CEP19: variants seen among roughly 807,000 people sequenced by gnomAD.
CEP19 encodes centrosomal protein 19.
In CEP19, 14 loss-of-function variants were observed where a neutral mutation model predicts 17.5. That is an observed-to-expected ratio of 0.80 (90% CI 0.53 to 1.25). The LOEUF is 1.25. Ranked by LOEUF, CEP19 falls within the 50% of genes most tolerant of loss-of-function variation. The pLI, the probability that CEP19 is intolerant of heterozygous loss-of-function variation, is 0.00. For synonymous variants in CEP19, 59 were observed against 65.5 expected (o/e 0.90, Z 0.48); for missense variants, 193 against 192.0 (o/e 1.01, Z -0.03).
intron 1 of CEP19, among the ~76,000 whole-genome samples, chr3:196,711,541 G>C (rs554691250): frequency 1.3e-5 from 2 of 152,180 alleles, no homozygotes; most frequent in Non-Finnish European, 2.9e-5. Context: ...GGCCAGGCTG[G>C]TCTCGAACTC....
chr3:196,710,156 A>G (rs1394506910), intron 1 of CEP19, among the ~76,000 whole-genome samples: 2 of 152,236 alleles, frequency 1.3e-5, no homozygotes, highest in African/African-American at 4.8e-5. Flanking sequence ...ACAATGTAAC[A>G]TTTTATATGA....
At position 196,707,393 on chromosome 3, in the gene CEP19, T is replaced by G; in HGVS notation, c.*158A>C. The G allele has an allele frequency of 1.3e-6, 1 of 754,342 alleles. No homozygotes were observed. The highest frequency in any genetic ancestry group is 2.1e-6 in the Non-Finnish European group (1 of 467,892). The allele number at this position is 754,342 out of a possible 1,614,324, so 46.7% of individuals were successfully genotyped here. ...GTTTTTCCCATACTCCTCATGCACC[T>G]ACATAGTAGATGCTTTAAATGTCCT... On this transcript the variant is annotated 3_prime_UTR_variant, in exon 3 of 3. Transcript: ENST00000409690.
rs930713535 is a variant in CEP19, at chr3:196,706,339, C to T, written c.*1212G>A. The T allele has an allele frequency of 6.6e-6, 1 of 152,028 alleles. No homozygotes were observed. The highest frequency in any genetic ancestry group is 1.5e-5 in the Non-Finnish European group (1 of 67,992). The allele number at this position is 152,028 out of a possible 1,614,324, so 9.4% of individuals were successfully genotyped here. ...CTTGTAGAAAACATAGAATTTCTAC[C>T]AACTAAACAATATTGTAATAAGGAT... On this transcript the variant is annotated 3_prime_UTR_variant, in exon 3 of 3. Coordinates refer to ENST00000409690, the MANE Select transcript of CEP19 (RefSeq NM_032898.5).
At chr3:196,710,953 GCT>G (rs1491540905) in intron 1 of CEP19, among the ~76,000 whole-genome samples, 5 of 129,724 alleles carry the variant, frequency 3.9e-5, no homozygotes, top group African/African-American at 1.2e-4. Flanking sequence ...CTCTTTTCTT[GCT>G]TTTTTTTTTT....
At chr3:196,708,951 G>A (rs1711641711) in intron 1 of CEP19, 2 of 289,958 alleles carry the variant, frequency 6.9e-6, no homozygotes, top group South Asian at 7.1e-5. Context: ...GGGTATGTGC[G>A]CGGGAACGAC....
rs1463328516 is a variant in CEP19 at position 196,708,567 on chromosome 3, G to A, written c.91C>T (p.Gln31Ter). The A allele has an allele frequency of 1.2e-6, 2 of 1,613,968 alleles. No individual in the cohort carries two copies. The highest frequency in any genetic ancestry group is 1.3e-5 in the African/African-American group (1 of 74,906). Residue 31 changes from glutamine (Q) to a stop codon, truncating the protein, a stop_gained, in exon 2 of 3, where the codon CAG becomes TAG. Coordinates refer to ENST00000409690, the MANE Select transcript of CEP19 (RefSeq NM_032898.5). LOFTEE classifies it high-confidence loss of function. ...YESEIKGKIR[Q>*]RIMPVRNFSK... is the part of the protein sequence containing the mutation. ...AAGTTTCGAACTGGCATAATGCGCT[G>A]GCGAATTTTCCCCTTGATTTCACTC...
Position 196,707,921 on chromosome 3 carries a change from G to A in CEP19, c.131-9C>T. On this transcript the variant is annotated splice_polypyrimidine_tract_variant and intron_variant, in intron 2 of 2. Coordinates refer to ENST00000409690, the MANE Select transcript of CEP19 (RefSeq NM_032898.5). The stretch of plus-strand genomic sequence containing the variant: ...AGCAGCTCTGGTGCAATCTGGGAGA[G>A]AGAAGAAAACTATATACCACATACG... 1 of 1,605,372 alleles carries A rather than the reference G, an allele frequency of 6.2e-7. No homozygotes were observed.
In CEP19 at chr3:196,712,149, G is replaced by A. The variant is rs1711828702; in HGVS notation, c.-291C>T. On this transcript the variant is annotated 5_prime_UTR_variant, in exon 1 of 3. Coordinates refer to ENST00000409690, the MANE Select transcript of CEP19 (RefSeq NM_032898.5). Reference sequence around the variant, plus strand: ...CCGAACCCTCAAACACCGGGAAGCGGAGGTGGGGGCCGGCTGGGGGACCGG... The same window carrying A: ...CCGAACCCTCAAACACCGGGAAGCGAAGGTGGGGGCCGGCTGGGGGACCGG... The A allele has an allele frequency of 5.2e-6, 3 of 578,068 alleles. 1 individual carries two copies. The highest frequency in any genetic ancestry group is 4.2e-5 in the South Asian group (2 of 47,198). 35.8% of individuals were successfully genotyped at this position (578,068 alleles called of 1,614,324 possible).
chr3:196,708,556 C>G lies in CEP19; in HGVS notation c.102G>C (p.Met34Ile). ...EIKGKIRQRI[M>I]PVRNFSKFSD... is the part of the protein sequence containing the mutation. ...AAAACTTTGAAAAGTTTCGAACTGG[C>G]ATAATGCGCTGGCGAATTTTCCCCT... Residue 34 changes from methionine (M) to isoleucine (I), a missense_variant, in exon 2 of 3, where the codon ATG becomes ATC. Physicochemically the swap from Met to Ile is conservative, Grantham distance 10. Coordinates refer to ENST00000409690, the MANE Select transcript of CEP19 (RefSeq NM_032898.5). 1 of 1,614,130 alleles carries G rather than the reference C, an allele frequency of 6.2e-7. No homozygotes were observed. Among genetic ancestry groups the G allele is most frequent in the Non-Finnish European group, 8.5e-7 (1 of 1,179,998 alleles).
rs762276016 is a variant in CEP19 at position 196,708,619 on chromosome 3, C to T, written c.39G>A (p.Gln13=). ...CTAKKCGIRF[Q]PPAIILIYES... The stretch of plus-strand genomic sequence containing the variant: ...CATAGATTAAGATAATAGCTGGAGG[C>T]TGAAACCTAATCCCACATTTCTTGG... The change falls in exon 2 of 3, where the codon CAG becomes CAA. Residue 13 remains glutamine (Q), a synonymous_variant. Coordinates refer to ENST00000409690, the MANE Select transcript of CEP19 (RefSeq NM_032898.5). The T allele has an allele frequency of 8.7e-6, 14 of 1,613,988 alleles. No individual in the cohort carries two copies. The South Asian group carries it at 1.5e-4, about 18-fold the overall frequency.
chr3:196,711,732 C>A (rs546527104), intron 1 of CEP19, among the ~76,000 whole-genome samples, 197 bp downstream of exon 1: 1 of 152,312 alleles, frequency 6.6e-6, no homozygotes, highest in East Asian at 1.9e-4. Context: ...CTTACAGATT[C>A]CACTCTGTTT....
Position 196,711,913 on chromosome 3 carries a change from A to G in CEP19, c.-71+16T>C. ...CCCTACTCACGTCTCCACTAGTGCA[A>G]GGCTGGCTTTCTTACCCTTAGAGGA... On this transcript the variant is annotated intron_variant, in intron 1 of 2. Coordinates refer to ENST00000409690, the MANE Select transcript of CEP19 (RefSeq NM_032898.5). 1 of 717,486 alleles carries G rather than the reference A, an allele frequency of 1.4e-6. No homozygotes were observed. The highest frequency in any genetic ancestry group is 2.6e-6 in the Non-Finnish European group (1 of 385,070). The allele number at this position is 717,486 out of a possible 1,614,324, so 44.4% of individuals were successfully genotyped here.
intron 1 of CEP19, among the ~76,000 whole-genome samples, chr3:196,711,557 C>G (rs6583170): frequency 0.39 from 58,633 of 152,050 alleles, 11,539 homozygotes; most frequent in East Asian, 0.61. Flanking sequence ...AACTCCTGAC[C>G]TCAGGTGATT....
intron 1 of CEP19, among the ~76,000 whole-genome samples, chr3:196,710,659 G>A (rs753424338): frequency 1.4e-4 from 22 of 151,970 alleles, no homozygotes; most frequent in Non-Finnish European, 1.8e-4. Context: ...GCAACACAGC[G>A]AGACCATGCA....
intron 1 of CEP19, among the ~76,000 whole-genome samples, chr3:196,710,757 G>A (rs73089217): frequency 0.073 from 10,897 of 148,792 alleles, 1,178 homozygotes; most frequent in East Asian, 0.56. Context: ...TGGGAGAATC[G>A]CCTGAACCCA....
At chr3:196,708,422 G>C in intron 2 of CEP19, 106 bp downstream of exon 2, 1 of 1,006,616 alleles carries the variant, frequency 9.9e-7, no homozygotes, top group Non-Finnish European at 1.5e-6. Context: ...CTCACTGAGA[G>C]TAAGTAATTC....
rs1219914673 is a variant in CEP19 at position 196,707,920 on chromosome 3, A to G, written c.131-8T>C. Reference sequence around the variant, plus strand: ...CAGCAGCTCTGGTGCAATCTGGGAGAGAGAAGAAAACTATATACCACATAC... The same window carrying G: ...CAGCAGCTCTGGTGCAATCTGGGAGGGAGAAGAAAACTATATACCACATAC... On this transcript the variant is annotated splice_region_variant and splice_polypyrimidine_tract_variant and intron_variant, in intron 2 of 2. Coordinates refer to ENST00000409690, the MANE Select transcript of CEP19 (RefSeq NM_032898.5). The G allele has an allele frequency of 1.2e-6, 2 of 1,605,588 alleles. No homozygotes were observed. The highest frequency in any genetic ancestry group is 3.4e-5 in the Admixed American group (2 of 59,656).
Position 196,712,133 on chromosome 3 carries a change from C to T in CEP19, c.-275G>A. On this transcript the variant is annotated 5_prime_UTR_variant, in exon 1 of 3. Transcript: ENST00000409690. ...CTCCCCGGCGGGAGGCCCGAACCCT[C>T]AAACACCGGGAAGCGGAGGTGGGGG... 1.7e-6 allele frequency: 1 copy of T among 590,612 alleles called. No individual in the cohort carries two copies. The highest frequency in any genetic ancestry group is 3.1e-6 in the Non-Finnish European group (1 of 323,538). 36.6% of individuals were successfully genotyped at this position (590,612 alleles called of 1,614,324 possible).
chr3:196,708,108 G>A (rs1711595389), intron 2 of CEP19, among the ~76,000 whole-genome samples, 196 bp from the exon 3 acceptor site: 1 of 152,228 alleles, frequency 6.6e-6, no homozygotes, highest in South Asian at 2.1e-4. Context: ...CTTTCAGTGT[G>A]GTGGGAGAAG....
Sources: allele counts gnomAD v4.1 joint callset (sites outside exome capture counted in the v4.1 genomes callset), GRCh38; gene constraint gnomAD v4.1.1; transcripts MANE v1.5; gene names NCBI Gene and HGNC (gene_info 2026-07-23, HGNC 2026-07-21).